ACER3: variants seen among roughly 807,000 people sequenced by gnomAD.
ACER3 encodes alkCDase 3.
Under a neutral mutation model 48.9 loss-of-function variants are expected in ACER3, and 16 were observed. The ratio of observed to expected loss-of-function variants is 0.33; its 90% CI spans 0.22 to 0.50. ACER3 has a LOEUF of 0.50. Ranked by LOEUF, ACER3 falls within the 20% of genes least tolerant of loss-of-function variation. ACER3 has a pLI of 0.98. For missense variants in ACER3, 227 were observed against 326.0 expected (o/e 0.70, Z 2.34); for synonymous variants, 109 against 107.8 (o/e 1.01, Z -0.07).
intron 1 of ACER3, among the ~76,000 whole-genome samples, chr11:76,896,712 CT>C (rs1477916653): frequency 6.6e-6 from 1 of 152,186 alleles, no homozygotes; most frequent in African/African-American, 2.4e-5. Flanking sequence ...GCTGTACCCT[CT>C]TTTTCTCAAA....
rs1373619040 is a variant in ACER3, at chr11:77,023,582, G to A, written c.*3255G>A. The A allele has an allele frequency of 7.1e-5, 13 of 181,890 alleles. No individual in the cohort carries two copies. The highest frequency in any genetic ancestry group is 2.0e-4 in the South Asian group (1 of 5,102). The allele number at this position is 181,890 out of a possible 1,614,324, so 11.3% of individuals were successfully genotyped here. On this transcript the variant is annotated 3_prime_UTR_variant, in exon 11 of 11. Coordinates refer to ENST00000532485, the MANE Select transcript of ACER3 (RefSeq NM_018367.7). ...TTGTTTTGGCCCTGTGGTTTATGAC[G>A]TGCTGCTGGATAAGCATTTATGTAA...
intron 3 of ACER3, among the ~76,000 whole-genome samples, chr11:76,969,957 T>TA (rs35822676): frequency 0.57 from 84,792 of 149,098 alleles, 27,082 homozygotes; most frequent in Non-Finnish European, 0.73. Context: ...ATAATAAAAT[T>TA]AAAAAAAAAA....
intron 6 of ACER3, 46 bp downstream of exon 6, chr11:76,990,620 G>A (rs1302210813): frequency 1.7e-6 from 2 of 1,179,130 alleles, no homozygotes; most frequent in Non-Finnish European, 2.5e-6. Flanking sequence ...TACGATACAT[G>A]GCTGCTTTGT....
intron 2 of ACER3, among the ~76,000 whole-genome samples, chr11:76,931,897 C>T (rs1301981113): frequency 6.6e-6 from 1 of 151,586 alleles, no homozygotes; most frequent in Non-Finnish European, 1.5e-5. Context: ...CTGCCCTTAA[C>T]ATTTTTTCCT....
chr11:76,947,578 A>G (rs1947509305), intron 2 of ACER3, among the ~76,000 whole-genome samples: 1 of 152,204 alleles, frequency 6.6e-6, no homozygotes, highest in Non-Finnish European at 1.5e-5. Flanking sequence ...TAGGCATCAA[A>G]TCAATGTGCC....
intron 1 of ACER3, among the ~76,000 whole-genome samples, chr11:76,924,561 A>G (rs1254652509): frequency 1.3e-5 from 2 of 151,846 alleles, no homozygotes; most frequent in Admixed American, 6.6e-5. Flanking sequence ...AACTTGCCTT[A>G]CAGTCCTATT....
chr11:76,913,266 T>G (rs1369354755), intron 1 of ACER3, among the ~76,000 whole-genome samples: 1 of 152,156 alleles, frequency 6.6e-6, no homozygotes, highest in Non-Finnish European at 1.5e-5. Context: ...AAGGAGATTT[T>G]GGGCTGAGAC....
chr11:77,003,888 A>T (rs1444366386), intron 7 of ACER3, among the ~76,000 whole-genome samples: 21 of 152,088 alleles, frequency 1.4e-4, no homozygotes, highest in African/African-American at 4.8e-4. Context: ...GTTTGATTTC[A>T]TTGTGGTCAG....
intron 9 of ACER3, among the ~76,000 whole-genome samples, chr11:77,017,687 A>G (rs7946922): frequency 0.021 from 3,213 of 152,306 alleles, 42 homozygotes; most frequent in Middle Eastern, 0.037. Flanking sequence ...AAGAGCAGAC[A>G]TGAAACATCA....
intron 1 of ACER3, among the ~76,000 whole-genome samples, chr11:76,880,528 C>T (rs529006923): frequency 1.3e-5 from 2 of 152,216 alleles, no homozygotes; most frequent in Non-Finnish European, 2.9e-5. Flanking sequence ...CCATGCCAGT[C>T]GGAAGCCCCA....
intron 2 of ACER3, among the ~76,000 whole-genome samples, chr11:76,930,827 A>G (rs1239133993): frequency 6.6e-6 from 1 of 152,068 alleles, no homozygotes; most frequent in African/African-American, 2.4e-5. Flanking sequence ...GTGGTCTGAG[A>G]GACAGTTTGT....
intron 3 of ACER3, among the ~76,000 whole-genome samples, chr11:76,974,076 T>G (rs1457187863): frequency 6.6e-6 from 1 of 152,248 alleles, no homozygotes; most frequent in Non-Finnish European, 1.5e-5. Flanking sequence ...TCTATTGACT[T>G]ATATATCTAT....
In ACER3 at chr11:77,019,761, T is replaced by C. The variant is rs1555024039; in HGVS notation, c.735T>C (p.Tyr245=). 3.7e-6 allele frequency: 6 copies of C among 1,613,896 alleles called. No homozygotes were observed. Among genetic ancestry groups the C allele is most frequent in the Non-Finnish European group, 4.2e-6 (5 of 1,179,952 alleles). Residue 245 remains tyrosine, a synonymous_variant, in exon 10 of 11, where the codon TAT becomes TAC. Transcript: ENST00000532485. ...SLYTRTLYLR[Y]RPKVKFLFGI... The stretch of plus-strand genomic sequence containing the variant: ...ATACAAGAACACTTTACCTGAGATA[T>C]AGGCCAAAAGTGAAGGTAAGTCCAC...
At chr11:76,964,278 C>T (rs921865375) in intron 3 of ACER3, among the ~76,000 whole-genome samples, 1 of 151,424 alleles carries the variant, frequency 6.6e-6, no homozygotes, top group African/African-American at 2.5e-5. Context: ...GGGCGCCTGC[C>T]ATTGCCGAGG....
intron 7 of ACER3, among the ~76,000 whole-genome samples, chr11:77,005,980 T>TAATATACATATATATTATATATATAC (rs1207813897): frequency 2.5e-5 from 1 of 39,824 alleles, no homozygotes; most frequent in Non-Finnish European, 7.7e-5. Context: ...TACATATATA[T>TAATATACATATATATTATATATATAC]ATATATATAT....
chr11:76,884,562 G>T (rs1945625380), intron 1 of ACER3, among the ~76,000 whole-genome samples: 1 of 152,064 alleles, frequency 6.6e-6, no homozygotes. Flanking sequence ...TTGTACAGGG[G>T]GAGCATGTGA....
chr11:76,914,705 C>CA (rs1946475772), intron 1 of ACER3, among the ~76,000 whole-genome samples: 1 of 152,152 alleles, frequency 6.6e-6, no homozygotes, highest in African/African-American at 2.4e-5. Context: ...GGTATATACT[C>CA]AAAGGATTAT....
At chr11:76,953,947 CTTTT>C (rs71043520) in intron 2 of ACER3, among the ~76,000 whole-genome samples, 23 of 129,980 alleles carry the variant, frequency 1.8e-4, no homozygotes, top group Non-Finnish European at 2.7e-4. Context: ...TTTAAAAGTT[CTTTT>C]TTTTTTTTTT....
intron 4 of ACER3, among the ~76,000 whole-genome samples, chr11:76,978,020 T>A (rs950100404): frequency 1.3e-5 from 2 of 152,158 alleles, no homozygotes; most frequent in African/African-American, 2.4e-5. Context: ...CCGCCCCCTC[T>A]GGACTTTAGG....
Sources: allele counts gnomAD v4.1 joint callset (sites outside exome capture counted in the v4.1 genomes callset), GRCh38; gene constraint gnomAD v4.1.1; transcripts MANE v1.5; gene names NCBI Gene and HGNC (gene_info 2026-07-23, HGNC 2026-07-21).